Variants in KCNAB2 observed in about 807,000 individuals in gnomAD.
KCNAB2 encodes potassium voltage-gated channel subfamily A regulatory beta subunit 2.
In KCNAB2, 29 loss-of-function variants were observed where a neutral mutation model predicts 63.6. The ratio of observed to expected loss-of-function variants is 0.46; its 90% confidence interval spans 0.34 to 0.62. KCNAB2 has a LOEUF of 0.62. Ranked by LOEUF, KCNAB2 falls within the 20% of genes least tolerant of loss-of-function variation. The probability of loss-of-function intolerance (pLI) is 0.01; values close to 1 mark genes in which losing one functional copy is unlikely to be tolerated. For missense variants in KCNAB2, 359 were observed against 563.9 expected (o/e 0.64, Z 3.68); for synonymous variants, 222 against 224.2 (o/e 0.99, Z 0.09).
chr1:6,078,229 C>T lies in KCNAB2; in HGVS notation c.301-3966C>T, dbSNP rs368215964. Among the ~76,000 whole-genome samples, 62 of 152,304 alleles carry T rather than the reference C, an allele frequency of 4.1e-4. 1 individual carries two copies. In the South Asian group the frequency reaches 5.0e-3, roughly 12 times the overall value. On this transcript the variant is annotated intron_variant, in intron 4 of 15. Coordinates refer to ENST00000378083, the MANE Select transcript of KCNAB2 (RefSeq NM_001199862.2). The surrounding 1 kb of genome is among the most constrained non-coding windows in gnomAD (Gnocchi z 4.2). Reference sequence around the variant, plus strand: ...CCTCCTCTTCTGTCAGTCAAGTCTCCGTCTGTCTCGTCCTCATAAGGTCAC... The same window carrying T: ...CCTCCTCTTCTGTCAGTCAAGTCTCTGTCTGTCTCGTCCTCATAAGGTCAC...
chr1:6,025,892 GCACACA>G (rs1659127757), intron 1 of KCNAB2: 1 of 152,786 alleles, frequency 6.5e-6, no homozygotes, highest in Admixed American at 6.6e-5. Context: ...GCCGATCCCG[GCACACA>G]GCCGATCCCG....
At chr1:6,008,143 C>T (rs1433573918) in intron 1 of KCNAB2, among the ~76,000 whole-genome samples, 1 of 152,156 alleles carries the variant, frequency 6.6e-6, no homozygotes, top group African/African-American at 2.4e-5. Flanking sequence ...ATTGTTTTCT[C>T]CATGTTGCGA....
At chr1:6,098,410 C>G (rs1010542780) in intron 15 of KCNAB2, 75 bp from the exon 16 acceptor site, 34 of 1,588,534 alleles carry the variant, frequency 2.1e-5, no homozygotes, top group Middle Eastern at 1.7e-4. Context: ...TCTGGAAGAG[C>G]CTGGCCCCAC....
chr1:6,013,268 G>A (rs551891897), intron 1 of KCNAB2, among the ~76,000 whole-genome samples: 6 of 152,012 alleles, frequency 3.9e-5, no homozygotes, highest in South Asian at 4.2e-4. Flanking sequence ...TCAGTGTCCC[G>A]CTGGGGCCAG....
At chr1:6,068,689 T>C (rs1348369097) in intron 2 of KCNAB2, among the ~76,000 whole-genome samples, 1 of 152,104 alleles carries the variant, frequency 6.6e-6, no homozygotes, top group Non-Finnish European at 1.5e-5. Flanking sequence ...ACCTGCGTCA[T>C]GAGTTGCTGC....
At chr1:6,077,462 C>G (rs1166742663) in intron 4 of KCNAB2, among the ~76,000 whole-genome samples, 2 of 152,344 alleles carry the variant, frequency 1.3e-5, no homozygotes, top group East Asian at 3.9e-4. Flanking sequence ...CTGGATGTAG[C>G]TGGAATTGTA....
chr1:6,054,583 T>C (rs1661653709), intron 2 of KCNAB2, among the ~76,000 whole-genome samples: 1 of 152,054 alleles, frequency 6.6e-6, no homozygotes, highest in African/African-American at 2.4e-5. Context: ...TGAGCCAAGA[T>C]GGAACAAAAG....
intron 1 of KCNAB2, chr1:6,027,219 AGTGTGTGTGTGTGTGTGTGTGT>A (rs70981306): frequency 0.041 from 5,796 of 141,370 alleles, 187 homozygotes; most frequent in African/African-American, 0.081. Context: ...TGGGGGACAC[AGTGTGTGTGTGTGTGTGTGTGT>A]GTGTGTGTGT....
chr1:6,093,264 C>T (rs1055200473), intron 10 of KCNAB2, among the ~76,000 whole-genome samples: 1 of 152,262 alleles, frequency 6.6e-6, no homozygotes, highest in Non-Finnish European at 1.5e-5. Flanking sequence ...TGCACTCCCA[C>T]TCACTCCCAC....
At chr1:5,999,847 C>T (rs1016353092) in intron 1 of KCNAB2, among the ~76,000 whole-genome samples, 53 of 151,728 alleles carry the variant, frequency 3.5e-4, no homozygotes, top group Non-Finnish European at 2.9e-5. Flanking sequence ...CCATGTGCGC[C>T]CCATCCGTAC....
Position 6,073,639 on chromosome 1 carries a change from G to A in KCNAB2, c.263-94G>A. On this transcript the variant is annotated intron_variant, in intron 3 of 15. Coordinates refer to ENST00000378083, the MANE Select transcript of KCNAB2 (RefSeq NM_001199862.2). This position sits in a 1 kb window ranked among gnomAD's most constrained non-coding sequence, Gnocchi z 5.7. ...GCAGCACAGAGGGACACCTGTGGCT[G>A]CCCCCTGTGCCCTACAGCCTGAGGT... 1.7e-6 allele frequency: 2 copies of A among 1,151,598 alleles called. No individual in the cohort carries two copies. Among genetic ancestry groups the A allele is most frequent in the Non-Finnish European group, 1.3e-6 (1 of 760,234 alleles). The allele number at this position is 1,151,598 out of a possible 1,614,324, so 71.3% of individuals were successfully genotyped here.
Position 6,071,040 on chromosome 1 carries a change from TG to T in KCNAB2, c.219-1714del, listed in dbSNP as rs1239348875. 6.6e-6 allele frequency among the ~76,000 whole-genome samples: 1 copy of T among 152,168 alleles called. No individual in the cohort carries two copies. Reference sequence around the variant, plus strand: ...CCTTCAGTTTGGTGACACGTTCAACTGTTTTCAAGCTGCTTACAAATATTAT... The same window carrying T: ...CCTTCAGTTTGGTGACACGTTCAACTTTTTCAAGCTGCTTACAAATATTAT... On this transcript the variant is annotated intron_variant, in intron 2 of 15. Transcript: ENST00000378083. The surrounding 1 kb of genome is among the most constrained non-coding windows in gnomAD (Gnocchi z 8.5).
rs147114031 is a variant in KCNAB2 at position 6,024,067 on chromosome 1, G to A, written c.-52-16450G>A. On this transcript the variant is annotated intron_variant, in intron 1 of 16. Coordinates refer to the KCNAB2 transcript ENST00000341524. This position sits in a 1 kb window ranked among gnomAD's most constrained non-coding sequence, Gnocchi z 5.4. ...AGCAATTCTCCTGCCTCAGCCTTCC[G>A]AGTAGCTGGGATTACAGGCGCCCAC... Among the ~76,000 whole-genome samples, 556 of 151,900 alleles carry A rather than the reference G, an allele frequency of 3.7e-3. 4 individuals are homozygous for A. Among genetic ancestry groups the A allele is most frequent in the African/African-American group, 0.013 (526 of 41,410 alleles).
chr1:6,008,627 A>AC (rs1256444358), intron 1 of KCNAB2, among the ~76,000 whole-genome samples: 78 of 151,506 alleles, frequency 5.1e-4, no homozygotes, highest in African/African-American at 1.8e-3. Flanking sequence ...TGTCTCAAAA[A>AC]AAAAAAAAAA....
At chr1:6,075,025 G>A (rs887905549) in intron 4 of KCNAB2, among the ~76,000 whole-genome samples, 1 of 151,878 alleles carries the variant, frequency 6.6e-6, no homozygotes. Flanking sequence ...CTGGATAGGC[G>A]CTATCTCAGG....
rs753105149 is a variant in KCNAB2 at position 6,056,322 on chromosome 1, G to A, written c.218+4568G>A. ...GGCCTCCCAAAGTGCTGGGATTACA[G>A]GCGTGAGCCACCGCGCCCGGCCTAC... is the stretch of plus-strand genomic sequence containing the variant. On this transcript the variant is annotated intron_variant, in intron 2 of 15. Coordinates refer to ENST00000378083, the MANE Select transcript of KCNAB2 (RefSeq NM_001199862.2). Among the ~76,000 whole-genome samples, 7 of 152,304 alleles carry A rather than the reference G, an allele frequency of 4.6e-5. No homozygotes were observed. In the East Asian group the frequency reaches 1.4e-3, roughly 29 times the overall value.
At chr1:6,060,174 G>A (rs1570987470) in intron 2 of KCNAB2, among the ~76,000 whole-genome samples, 1 of 152,192 alleles carries the variant, frequency 6.6e-6, no homozygotes, top group Non-Finnish European at 1.5e-5. Flanking sequence ...CTCAGGAGAA[G>A]GACACTCCTG....
At chr1:6,041,786 T>G, upstream of KCNAB2, 1 of 1,566,464 alleles carries the variant, frequency 6.4e-7, no homozygotes, top group Non-Finnish European at 8.8e-7. Context: ...CTCTCTCTCT[T>G]CTCTCCCTTT....
rs1427913117 is a variant in KCNAB2 at position 6,003,747 on chromosome 1, C to T, written c.-53+10959C>T. 5.3e-5 allele frequency among the ~76,000 whole-genome samples: 8 copies of T among 152,322 alleles called. No individual in the cohort carries two copies. The highest frequency in any genetic ancestry group is 3.9e-4 in the East Asian group (2 of 5,190). ...TGTCCCAGAACCAGCCACGTCTCCTCGTCGTCGTTTCACCGCAACCTCGCC... is the reference window on the plus strand; with the variant it reads ...TGTCCCAGAACCAGCCACGTCTCCTTGTCGTCGTTTCACCGCAACCTCGCC... On this transcript the variant is annotated intron_variant, in intron 1 of 16. Coordinates refer to the KCNAB2 transcript ENST00000341524. This position sits in a 1 kb window ranked among gnomAD's most constrained non-coding sequence, Gnocchi z 4.1.
Sources: allele counts gnomAD v4.1 joint callset (sites outside exome capture counted in the v4.1 genomes callset), GRCh38; gene constraint gnomAD v4.1.1; non-coding constraint Gnocchi (gnomAD v3.1); transcripts MANE v1.5; gene names NCBI Gene and HGNC (gene_info 2026-07-23, HGNC 2026-07-21).